ADAD1: variants seen among roughly 807,000 people sequenced by gnomAD.
ADAD1 encodes adenosine deaminase domain-containing protein 1.
In ADAD1, 46 loss-of-function variants were observed where a neutral mutation model predicts 66.8. That is an observed-to-expected ratio of 0.69 (90% CI 0.54 to 0.88). The LOEUF is 0.88. ADAD1 is among the 40% of genes least tolerant of loss of function. The pLI is 0.00. For synonymous variants in ADAD1, 248 were observed against 229.4 expected (o/e 1.08, Z -0.73); for missense variants, 617 against 681.8 (o/e 0.91, Z 1.06).
chr4:122,416,588 C>T (rs1288929712), intron 11 of ADAD1, among the ~76,000 whole-genome samples: 2 of 151,734 alleles, frequency 1.3e-5, no homozygotes, highest in South Asian at 2.1e-4. Context: ...AAAGTATTAA[C>T]CAGGAGTGGG....
At chr4:122,424,375 A>T (rs1398140367) in intron 12 of ADAD1, among the ~76,000 whole-genome samples, 6 of 152,224 alleles carry the variant, frequency 3.9e-5, no homozygotes, top group Non-Finnish European at 8.8e-5. Flanking sequence ...TCTTTCTAAA[A>T]AGTTGTTTAA....
intron 11 of ADAD1, among the ~76,000 whole-genome samples, chr4:122,420,060 T>C (rs1287680050): frequency 6.6e-6 from 1 of 152,126 alleles, no homozygotes; most frequent in African/African-American, 2.4e-5. Flanking sequence ...AGAGAAAATA[T>C]TGGAAAGAAG....
At position 122,396,300 on chromosome 4, in the gene ADAD1, G is replaced by T. The variant is rs185438787; in HGVS notation, c.647G>T (p.Arg216Ile). ...YAKISQIVKERFNQLISNRSE... is the reference protein window; with the variant it reads ...YAKISQIVKEIFNQLISNRSE... Reference sequence around the variant, plus strand: ...AAGATTTCACAGATCGTTAAAGAAAGATTTAATCAACTAATTTCTAATCGT... The same window carrying T: ...AAGATTTCACAGATCGTTAAAGAAATATTTAATCAACTAATTTCTAATCGT... Residue 216 changes from arginine (R) to isoleucine (I), a missense_variant, in exon 7 of 13, where the codon AGA becomes ATA. Arg to Ile is a moderately conservative substitution (Grantham distance 97, BLOSUM62 -3). Coordinates refer to ENST00000296513, the MANE Select transcript of ADAD1 (RefSeq NM_139243.4). 3.4e-5 allele frequency: 55 copies of T among 1,598,976 alleles called. No homozygotes were observed. In the East Asian group the frequency reaches 1.2e-3, roughly 34 times the overall value.
intron 7 of ADAD1, among the ~76,000 whole-genome samples, chr4:122,399,680 G>C (rs1795878694): frequency 6.7e-6 from 1 of 148,768 alleles, no homozygotes. Context: ...GCAGTGTATT[G>C]TAGTTTCCCT....
At chr4:122,428,577 A>G (rs1797364422) in intron 12 of ADAD1, among the ~76,000 whole-genome samples, 1 of 152,278 alleles carries the variant, frequency 6.6e-6, no homozygotes, top group Non-Finnish European at 1.5e-5. Context: ...ATGGAATATT[A>G]ATCAGCAATA....
intron 7 of ADAD1, among the ~76,000 whole-genome samples, chr4:122,406,033 T>G (rs1222214304): frequency 1.3e-5 from 2 of 152,164 alleles, no homozygotes; most frequent in Admixed American, 1.3e-4. Flanking sequence ...AATGCTACAG[T>G]GAACATGGGA....
intron 11 of ADAD1, among the ~76,000 whole-genome samples, chr4:122,419,266 A>G (rs896023410): frequency 6.6e-6 from 1 of 152,234 alleles, no homozygotes; most frequent in Non-Finnish European, 1.5e-5. Context: ...TCGTTAGCAA[A>G]TGAACATGGG....
Position 122,411,328 on chromosome 4 carries a change from A to G in ADAD1, c.955A>G (p.Asn319Asp). The change falls in exon 9 of 13, where the codon AAT (asparagine) becomes GAT (aspartate). Residue 319 changes from asparagine to aspartate, a missense_variant. Transcript: ENST00000296513. ...TTCTAATCTACTCACTCTTAAACAG[A>G]ATATCAACATTTGCCTTTACATGAA... ...PTSNLLTLKQNINICLYMNQL... is the reference protein window; with the variant it reads ...PTSNLLTLKQDINICLYMNQL... 6.2e-7 allele frequency: 1 copy of G among 1,613,334 alleles called. No individual in the cohort carries two copies. Among genetic ancestry groups the G allele is most frequent in the Non-Finnish European group, 8.5e-7 (1 of 1,179,686 alleles).
chr4:122,423,863 G>C (rs1412313091), intron 12 of ADAD1, among the ~76,000 whole-genome samples: 1 of 152,196 alleles, frequency 6.6e-6, no homozygotes, highest in Admixed American at 6.5e-5. Context: ...GGAAGAATTA[G>C]GAGTGACTGC....
At chr4:122,399,056 A>G (rs1255619364) in intron 7 of ADAD1, among the ~76,000 whole-genome samples, 2 of 152,128 alleles carry the variant, frequency 1.3e-5, no homozygotes, top group African/African-American at 2.4e-5. Context: ...GCCAAAATGT[A>G]GAAGAGTTTT....
At chr4:122,403,652 C>T (rs1796075225) in intron 7 of ADAD1, among the ~76,000 whole-genome samples, 1 of 152,044 alleles carries the variant, frequency 6.6e-6, no homozygotes, top group African/African-American at 2.4e-5. Context: ...CAAGAGGGCA[C>T]CATCTGTCGT....
intron 7 of ADAD1, among the ~76,000 whole-genome samples, chr4:122,406,180 T>A (rs1057328599): frequency 1.3e-5 from 2 of 152,296 alleles, no homozygotes; most frequent in African/African-American, 4.8e-5. Flanking sequence ...CTATAAAAAT[T>A]TACATTTCTG....
At chr4:122,420,178 T>C (rs1796938346) in intron 11 of ADAD1, among the ~76,000 whole-genome samples, 1 of 152,200 alleles carries the variant, frequency 6.6e-6, no homozygotes, top group East Asian at 1.9e-4. Context: ...TATGTAGAAA[T>C]CAATAGATTT....
At chr4:122,391,484 G>A (rs532193654) in intron 5 of ADAD1, among the ~76,000 whole-genome samples, 6 of 152,208 alleles carry the variant, frequency 3.9e-5, no homozygotes, top group Non-Finnish European at 7.3e-5. Flanking sequence ...CTGCTGGTCC[G>A]CAGAGACTAT....
At chr4:122,392,320 T>C (rs1440876385) in intron 5 of ADAD1, among the ~76,000 whole-genome samples, 1 of 152,110 alleles carries the variant, frequency 6.6e-6, no homozygotes, top group African/African-American at 2.4e-5. Flanking sequence ...CAGTGGTAGA[T>C]TGGATAAAGA....
intron 8 of ADAD1, among the ~76,000 whole-genome samples, chr4:122,408,758 C>G (rs1383238741): frequency 6.6e-6 from 1 of 152,016 alleles, no homozygotes; most frequent in African/African-American, 2.4e-5. Context: ...TGGCACACAA[C>G]TGTAGTCCCA....
intron 7 of ADAD1, among the ~76,000 whole-genome samples, chr4:122,404,399 C>T (rs948769091): frequency 1.3e-5 from 2 of 152,134 alleles, no homozygotes; most frequent in Non-Finnish European, 2.9e-5. Flanking sequence ...TTTTGCTTGG[C>T]TCCCTAAATT....
intron 11 of ADAD1, among the ~76,000 whole-genome samples, chr4:122,418,618 C>T (rs1474727626): frequency 3.9e-5 from 6 of 151,928 alleles, no homozygotes; most frequent in African/African-American, 9.7e-5. Flanking sequence ...CACCAATAAA[C>T]GTTATTTTCA....
rs1255962503 is a variant in ADAD1 at position 122,415,507 on chromosome 4, G to A, written c.1378G>A (p.Ala460Thr). The A allele has an allele frequency of 4.3e-6, 7 of 1,613,790 alleles. No homozygotes were observed. The highest frequency in any genetic ancestry group is 1.3e-5 in the African/African-American group (1 of 74,914). The change falls in exon 11 of 13, where the codon GCA (alanine) becomes ACA (threonine). Residue 460 changes from alanine to threonine, a missense_variant. Physicochemically the swap from Ala to Thr is moderately conservative, Grantham distance 58 (BLOSUM62 0). Transcript: ENST00000296513. The stretch of plus-strand genomic sequence containing the variant: ...ACCTCATATTAGTTTAGTACCCTCT[G>A]CATATCCCCTTCAAATGAACTTGGA... ...NRPHISLVPSAYPLQMNLEYK... is the reference protein window; with the variant it reads ...NRPHISLVPSTYPLQMNLEYK...
Sources: allele counts gnomAD v4.1 joint callset (sites outside exome capture counted in the v4.1 genomes callset), GRCh38; gene constraint gnomAD v4.1.1; transcripts MANE v1.5; gene names NCBI Gene and HGNC (gene_info 2026-07-23, HGNC 2026-07-21).